FER: variants seen among roughly 807,000 people sequenced by gnomAD.
FER encodes the protein FER tyrosine kinase, also known as tyrosine-protein kinase Fer.
Under a neutral mutation model 111.0 loss-of-function variants are expected in FER, and 63 were observed. The observed-to-expected ratio is 0.57, with a 90% CI of 0.46 to 0.70. The LOEUF (loss-of-function observed/expected upper bound fraction) is 0.70, where lower values mean the gene tolerates loss of function less well. Among genes scored for constraint, FER ranks in the 30% least tolerant of loss-of-function variants. FER has a pLI of 0.00. For synonymous variants in FER, 327 were observed against 313.9 expected, an observed-to-expected ratio of 1.04 and a Z score of -0.44; for missense variants, 914 against 954.0, an observed-to-expected ratio of 0.96 and a Z score of 0.55.
At chr5:108,956,885 C>T (rs1758500991) in intron 12 of FER, among the ~76,000 whole-genome samples, 1 of 151,516 alleles carries the variant, frequency 6.6e-6, no homozygotes, top group South Asian at 2.1e-4. Context: ...TGGGGAAATT[C>T]ATTAACAGAT....
chr5:108,927,909 GTCT>G (rs1466254774), intron 10 of FER, among the ~76,000 whole-genome samples: 1 of 152,154 alleles, frequency 6.6e-6, no homozygotes, highest in African/African-American at 2.4e-5. Flanking sequence ...AGGCTCTTAG[GTCT>G]TCTTGTTTCT....
chr5:109,098,371 A>G (rs1747791810), intron 16 of FER, among the ~76,000 whole-genome samples: 1 of 151,788 alleles, frequency 6.6e-6, no homozygotes, highest in Non-Finnish European at 1.5e-5. Flanking sequence ...CAGATGATAA[A>G]GTGCTAACTG....
intron 17 of FER, among the ~76,000 whole-genome samples, chr5:109,111,251 C>T (rs1031902963): frequency 6.6e-6 from 1 of 151,936 alleles, no homozygotes; most frequent in Non-Finnish European, 1.5e-5. Flanking sequence ...TTATTATTTA[C>T]CTAAGTGAAT....
rs566275046 is a variant in FER at position 109,022,235 on chromosome 5, T to A, written c.1657-15187T>A. On this transcript the variant is annotated intron_variant, in intron 13 of 19. Coordinates refer to ENST00000281092, the MANE Select transcript of FER (RefSeq NM_005246.4). ...CCAAGCTAATGACTGAAGTCTATTG[T>A]CTCAAGGGAAGTCCATTGTCTCAAG... Among the ~76,000 whole-genome samples the A allele has an allele frequency of 1.4e-4, 21 of 151,350 alleles. No homozygotes were observed. In the East Asian group the frequency reaches 4.1e-3, roughly 30 times the overall value.
intron 17 of FER, among the ~76,000 whole-genome samples, chr5:109,106,105 C>A (rs1748887366): frequency 6.6e-6 from 1 of 152,142 alleles, no homozygotes; most frequent in Non-Finnish European, 1.5e-5. Flanking sequence ...CTGCCTTGTA[C>A]AACAGAGGTA....
At chr5:109,013,661 T>C (rs960671265) in intron 13 of FER, among the ~76,000 whole-genome samples, 6 of 151,932 alleles carry the variant, frequency 3.9e-5, no homozygotes, top group Admixed American at 1.3e-4. Context: ...CCACACTGAC[T>C]TCCACAATGG....
At chr5:109,054,483 G>A (rs10061864) in intron 16 of FER, among the ~76,000 whole-genome samples, 19,531 of 152,100 alleles carry the variant, frequency 0.13, 1,307 homozygotes, top group South Asian at 0.2. Context: ...TTGTTTTCTT[G>A]TAATTAAGTC....
At chr5:109,061,533 T>C (rs145080692) in intron 16 of FER, among the ~76,000 whole-genome samples, 1,833 of 152,276 alleles carry the variant, frequency 0.012, 25 homozygotes, top group Non-Finnish European at 0.016. Context: ...ATTTCTACTA[T>C]TGTGTAATTA....
chr5:109,036,811 C>A (rs967181946), intron 13 of FER, among the ~76,000 whole-genome samples: 1 of 151,902 alleles, frequency 6.6e-6, no homozygotes, highest in African/African-American at 2.4e-5. Flanking sequence ...TTCTTGAGAT[C>A]AGATAATGGG....
chr5:109,051,582 T>G, intron 16 of FER: 1 of 1,608,598 alleles, frequency 6.2e-7, no homozygotes, highest in Non-Finnish European at 8.5e-7. Flanking sequence ...AAGAATTGTT[T>G]CTGTCGCCAT....
At chr5:108,823,785 G>A (rs1019306220) in intron 3 of FER, among the ~76,000 whole-genome samples, 1 of 152,088 alleles carries the variant, frequency 6.6e-6, no homozygotes, top group African/African-American at 2.4e-5. Flanking sequence ...GTTTGGTGCA[G>A]TCTCACTTGT....
At chr5:109,160,345 A>G (rs1007281930) in intron 17 of FER, among the ~76,000 whole-genome samples, 3 of 152,172 alleles carry the variant, frequency 2.0e-5, no homozygotes, top group African/African-American at 4.8e-5. Flanking sequence ...CTGCATCCTA[A>G]ATGCAAACTG....
At chr5:108,857,554 G>A (rs752313417) in intron 5 of FER, among the ~76,000 whole-genome samples, 4 of 151,698 alleles carry the variant, frequency 2.6e-5, no homozygotes, top group Non-Finnish European at 5.9e-5. Flanking sequence ...ATGTAAATAC[G>A]GTGTTACTCT....
intron 11 of FER, among the ~76,000 whole-genome samples, chr5:108,951,821 A>T (rs989607482): frequency 1.3e-5 from 2 of 152,158 alleles, no homozygotes; most frequent in Admixed American, 6.6e-5. Context: ...CCCAAAAAGA[A>T]GCTCATCTTG....
intron 1 of FER, among the ~76,000 whole-genome samples, chr5:108,766,316 A>G (rs1234366500): frequency 6.6e-6 from 1 of 152,204 alleles, no homozygotes; most frequent in African/African-American, 2.4e-5. Flanking sequence ...CTTACTTTAC[A>G]CCAAAGTGTA....
chr5:108,756,832 A>G (rs988233307), intron 1 of FER, among the ~76,000 whole-genome samples: 1 of 152,138 alleles, frequency 6.6e-6, no homozygotes, highest in African/African-American at 2.4e-5. Flanking sequence ...CCTCCTCAAC[A>G]TTTTAACCTC....
intron 17 of FER, among the ~76,000 whole-genome samples, chr5:109,145,613 T>C (rs1328848815): frequency 6.6e-6 from 1 of 152,102 alleles, no homozygotes; most frequent in East Asian, 1.9e-4. Flanking sequence ...AGGAGGCATC[T>C]TGATTGCCAG....
intron 17 of FER, among the ~76,000 whole-genome samples, chr5:109,109,079 T>C (rs1471582615): frequency 6.6e-6 from 1 of 152,164 alleles, no homozygotes; most frequent in Non-Finnish European, 1.5e-5. Flanking sequence ...AGTGTAAGCA[T>C]TTGCAGAGCA....
intron 10 of FER, among the ~76,000 whole-genome samples, chr5:108,929,871 A>C (rs1207489902): frequency 1.3e-5 from 2 of 152,208 alleles, no homozygotes. Flanking sequence ...GTACATTTTG[A>C]ACTGTTTGAA....
Sources: gnomAD v4.1 joint callset for allele counts (sites outside exome capture counted in the v4.1 genomes callset) on GRCh38, gnomAD v4.1.1 for gene constraint, MANE v1.5 for transcripts, NCBI Gene and HGNC (gene_info 2026-07-23, HGNC 2026-07-21) for gene names.